MCPH1: variants seen among roughly 807,000 people sequenced by gnomAD.
MCPH1 encodes the protein microcephalin.
In MCPH1, 104 loss-of-function variants were observed where a neutral mutation model predicts 84.5. The ratio of observed to expected loss-of-function variants is 1.23; its 90% CI spans 1.05 to 1.45. The LOEUF (loss-of-function observed/expected upper bound fraction) is 1.45. MCPH1 is among the 40% of genes most tolerant of loss of function. The pLI is 0.00. For synonymous variants in MCPH1, 514 were observed against 366.8 expected (o/e 1.40, Z -4.58); for missense variants, 1,498 against 1,005.7 (o/e 1.49, Z -6.62).
chr8:6,575,552 T>G (rs933550996), intron 12 of MCPH1, among the ~76,000 whole-genome samples: 1 of 152,236 alleles, frequency 6.6e-6, no homozygotes, highest in African/African-American at 2.4e-5. Flanking sequence ...ATTAGTAGCA[T>G]GCAACTCTTC....
At chr8:6,421,970 T>C (rs1800270469) in intron 3 of MCPH1, among the ~76,000 whole-genome samples, 1 of 152,238 alleles carries the variant, frequency 6.6e-6, no homozygotes, top group South Asian at 2.1e-4. Context: ...AGCTCCTTTA[T>C]ACATGTTGCA....
Position 6,445,463 on chromosome 8 carries a change from G to A in MCPH1, c.1741G>A (p.Glu581Lys). Residue 581 changes from glutamate (E) to lysine (K), a missense_variant, in exon 8 of 14, where the codon GAA becomes AAA. Coordinates refer to ENST00000344683, the MANE Select transcript of MCPH1 (RefSeq NM_024596.5). ...CTCCTCTGAAGGCGAAGCCCAGAGT[G>A]AACATGAGCCATGTTTTATAGTTGA... ...SNSSEGEAQS[E>K]HEPCFIVDCN... 1 of 1,614,196 alleles carries A rather than the reference G, an allele frequency of 6.2e-7. No homozygotes were observed. Among genetic ancestry groups the A allele is most frequent in the South Asian group, 1.1e-5 (1 of 91,078 alleles).
intron 6 of MCPH1, among the ~76,000 whole-genome samples, chr8:6,441,043 C>T (rs1029225838): frequency 7.2e-5 from 11 of 152,158 alleles, no homozygotes; most frequent in African/African-American, 2.2e-4. Flanking sequence ...CCTTACCAGA[C>T]GTCTATCCAA....
At chr8:6,493,489 G>A (rs977775742) in intron 11 of MCPH1, among the ~76,000 whole-genome samples, 2 of 152,200 alleles carry the variant, frequency 1.3e-5, no homozygotes, top group Non-Finnish European at 1.5e-5. Flanking sequence ...TATACTTTTA[G>A]TACTTTATTG....
intron 12 of MCPH1, among the ~76,000 whole-genome samples, chr8:6,522,127 G>A (rs1817468886): frequency 6.6e-6 from 1 of 151,694 alleles, no homozygotes; most frequent in Admixed American, 6.6e-5. Context: ...AGGCCGAGGC[G>A]GGCGGATCAC....
chr8:6,542,279 A>G (rs1305250137), intron 12 of MCPH1, among the ~76,000 whole-genome samples: 6 of 151,854 alleles, frequency 4.0e-5, no homozygotes, highest in Admixed American at 6.5e-5. Flanking sequence ...TTGTCTACAC[A>G]TGTGAGGTAG....
chr8:6,406,902 C>G (rs1451943252), intron 1 of MCPH1, among the ~76,000 whole-genome samples: 1 of 99,710 alleles, frequency 1.0e-5, no homozygotes, highest in African/African-American at 3.8e-5. Flanking sequence ...CCTGTCCCCC[C>G]AAAACCCCCG....
intron 12 of MCPH1, among the ~76,000 whole-genome samples, chr8:6,549,624 T>A (rs116217351): frequency 0.011 from 1,655 of 149,778 alleles, 37 homozygotes; most frequent in African/African-American, 0.039. Context: ...GTTACACAGG[T>A]GCGCACAGAT....
intron 12 of MCPH1, among the ~76,000 whole-genome samples, chr8:6,606,252 A>G (rs1829762914): frequency 6.6e-6 from 1 of 152,206 alleles, no homozygotes; most frequent in South Asian, 2.1e-4. Context: ...GGTTGTTTCC[A>G]TTTACTCGCA....
chr8:6,512,575 C>T (rs1366782071), intron 12 of MCPH1, among the ~76,000 whole-genome samples: 2 of 152,198 alleles, frequency 1.3e-5, no homozygotes, highest in African/African-American at 2.4e-5. Flanking sequence ...TGCCAGTGGG[C>T]ACACAGTCTC....
At chr8:6,564,600 A>C (rs1205210439) in intron 12 of MCPH1, among the ~76,000 whole-genome samples, 1 of 152,236 alleles carries the variant, frequency 6.6e-6, no homozygotes, top group African/African-American at 2.4e-5. Context: ...CTCTCAAGGT[A>C]CAAGGTTTAT....
Position 6,491,753 on chromosome 8 carries a change from T to C in MCPH1, c.2137-8099T>C, listed in dbSNP as rs575024009. 1.4e-4 allele frequency among the ~76,000 whole-genome samples: 22 copies of C among 152,198 alleles called. No homozygotes were observed. The East Asian group carries it at 4.2e-3, about 29-fold the overall frequency. Reference sequence around the variant, plus strand: ...TGGTTTTTTTGTCCTTGTGATAGTTTGCTGAGAATGATGGTTTCCAGCTTC... The same window carrying C: ...TGGTTTTTTTGTCCTTGTGATAGTTCGCTGAGAATGATGGTTTCCAGCTTC... On this transcript the variant is annotated intron_variant, in intron 11 of 13. Transcript: ENST00000344683.
chr8:6,550,275 G>A (rs549093089), intron 12 of MCPH1, among the ~76,000 whole-genome samples: 1 of 152,252 alleles, frequency 6.6e-6, no homozygotes, highest in South Asian at 2.1e-4. Context: ...CAGCAGCCAT[G>A]GGGAGGTTGA....
At chr8:6,596,720 C>T (rs1828954614) in intron 12 of MCPH1, among the ~76,000 whole-genome samples, 1 of 152,108 alleles carries the variant, frequency 6.6e-6, no homozygotes, top group Non-Finnish European at 1.5e-5. Flanking sequence ...TCCCACAATG[C>T]AACGATGCCA....
chr8:6,598,617 C>G (rs1829110051), intron 12 of MCPH1, among the ~76,000 whole-genome samples: 1 of 152,228 alleles, frequency 6.6e-6, no homozygotes. Flanking sequence ...AGGTAAACAC[C>G]ATTTCCCCCA....
intron 9 of MCPH1, among the ~76,000 whole-genome samples, chr8:6,466,089 G>A (rs1806889863): frequency 6.6e-6 from 1 of 150,614 alleles, no homozygotes. Context: ...CGAGTAGCTG[G>A]GACTACAGGC....
Position 6,623,340 on chromosome 8 carries a change from CTCTCTCTCTCTCAA to C in MCPH1, c.2452+1662_2452+1675del, listed in dbSNP as rs571604179. On this transcript the variant is annotated intron_variant, in intron 13 of 13. Transcript: ENST00000344683. ...TTACCCGACTTTAGAGGTACATCCCCTCTCTCTCTCTCAATCTCTCTCTCTCTCTCCTGTTCTCT... is the reference window on the plus strand; with the variant it reads ...TTACCCGACTTTAGAGGTACATCCCCTCTCTCTCTCTCTCTCCTGTTCTCT... 7.3e-3 allele frequency among the ~76,000 whole-genome samples: 1,099 copies of C among 151,246 alleles called. 9 individuals are homozygous for C. Among genetic ancestry groups the C allele is most frequent in the African/African-American group, 0.025 (1,037 of 41,200 alleles).
chr8:6,479,235 C>G (rs1563264705), intron 10 of MCPH1, among the ~76,000 whole-genome samples: 1 of 151,948 alleles, frequency 6.6e-6, no homozygotes, highest in Non-Finnish European at 1.5e-5. Context: ...CCACTGCACT[C>G]CAGCCTGGGC....
chr8:6,572,353 G>C (rs538564627), intron 12 of MCPH1, among the ~76,000 whole-genome samples: 1 of 152,126 alleles, frequency 6.6e-6, no homozygotes, highest in Non-Finnish European at 1.5e-5. Flanking sequence ...ATTAAAAAAT[G>C]GTACCTATTT....
Sources: gnomAD v4.1 joint callset for allele counts (sites outside exome capture counted in the v4.1 genomes callset) on GRCh38, gnomAD v4.1.1 for gene constraint, MANE v1.5 for transcripts, NCBI Gene and HGNC (gene_info 2026-07-23, HGNC 2026-07-21) for gene names.